RAD51B: variants seen among roughly 807,000 people sequenced by gnomAD.
RAD51B encodes the protein DNA repair protein RAD51 homolog 2.
In RAD51B, 38 loss-of-function variants were observed where a neutral mutation model predicts 42.2. The observed-to-expected ratio is 0.90, with a 90% CI of 0.70 to 1.18. RAD51B has a LOEUF of 1.18. RAD51B is among the 50% of genes most tolerant of loss of function. The probability of loss-of-function intolerance (pLI) is 0.00; values close to 1 mark genes in which losing one functional copy is unlikely to be tolerated. For missense variants in RAD51B, 373 were observed against 400.7 expected (o/e 0.93, Z 0.59); for synonymous variants, 154 against 145.2 (o/e 1.06, Z -0.43).
At chr14:68,227,071 T>C (rs1034042586) in intron 7 of RAD51B, among the ~76,000 whole-genome samples, 1 of 152,218 alleles carries the variant, frequency 6.6e-6, no homozygotes, top group Non-Finnish European at 1.5e-5. Context: ...TTCTGGATCT[T>C]TCCAGGCATG....
At chr14:68,288,111 C>T (rs146467142) in intron 7 of RAD51B, among the ~76,000 whole-genome samples, 2 of 152,300 alleles carry the variant, frequency 1.3e-5, no homozygotes, top group East Asian at 3.9e-4. Context: ...CAGTTAGAAA[C>T]CAGACTGTGT....
intron 7 of RAD51B, among the ~76,000 whole-genome samples, chr14:68,096,610 A>C (rs959788351): frequency 6.6e-6 from 1 of 152,198 alleles, no homozygotes; most frequent in African/African-American, 2.4e-5. Context: ...CTAGTACACC[A>C]CATCCCATCG....
intron 9 of RAD51B, among the ~76,000 whole-genome samples, chr14:68,420,611 A>G (rs1160862841): frequency 6.6e-6 from 1 of 152,184 alleles, no homozygotes; most frequent in African/African-American, 2.4e-5. Context: ...GTCTTTTAAC[A>G]TGCTAATGCA....
At chr14:68,342,555 C>CTCTCTCTCTT (rs1472740724) in intron 8 of RAD51B, among the ~76,000 whole-genome samples, 1 of 152,178 alleles carries the variant, frequency 6.6e-6, no homozygotes, top group East Asian at 1.9e-4. Context: ...CATGCCTTCT[C>CTCTCTCTCTT]TCTCTCTCTT....
At chr14:68,248,598 C>T (rs2080551008) in intron 7 of RAD51B, among the ~76,000 whole-genome samples, 1 of 151,972 alleles carries the variant, frequency 6.6e-6, no homozygotes, top group Non-Finnish European at 1.5e-5. Flanking sequence ...AACTACACCA[C>T]AAAGCACCAC....
intron 10 of RAD51B, among the ~76,000 whole-genome samples, chr14:68,511,712 G>A (rs1885741562): frequency 6.6e-6 from 1 of 152,164 alleles, no homozygotes. Context: ...TGTTGGAGCT[G>A]AGAGGGAAAT....
intron 7 of RAD51B, among the ~76,000 whole-genome samples, chr14:68,186,127 C>G (rs1484630974): frequency 1.3e-5 from 2 of 152,108 alleles, no homozygotes; most frequent in East Asian, 3.8e-4. Flanking sequence ...ACTCACTGGT[C>G]AATAAATACT....
chr14:68,424,086 C>A (rs2084776714), intron 9 of RAD51B, among the ~76,000 whole-genome samples: 1 of 152,184 alleles, frequency 6.6e-6, no homozygotes, highest in South Asian at 2.1e-4. Flanking sequence ...TGGACCTGTG[C>A]TCACCTCTCT....
chr14:68,423,703 A>AT (rs1441753742), intron 9 of RAD51B, among the ~76,000 whole-genome samples: 1 of 151,952 alleles, frequency 6.6e-6, no homozygotes, highest in African/African-American at 2.4e-5. Flanking sequence ...TTGCAGAACA[A>AT]TTTTTTTTCA....
intron 10 of RAD51B, among the ~76,000 whole-genome samples, chr14:68,512,157 G>A (rs1272449133): frequency 6.6e-6 from 1 of 152,184 alleles, no homozygotes; most frequent in Admixed American, 6.5e-5. Context: ...AGATAAAGGG[G>A]TGACTTGCCT....
intron 10 of RAD51B, among the ~76,000 whole-genome samples, chr14:68,559,008 T>C (rs895585415): frequency 4.6e-5 from 7 of 151,654 alleles, no homozygotes; most frequent in Admixed American, 4.6e-4. Flanking sequence ...TTTACATGTA[T>C]ATATATATAA....
intron 7 of RAD51B, among the ~76,000 whole-genome samples, chr14:67,902,853 C>A (rs1466788890): frequency 6.6e-6 from 1 of 151,292 alleles, no homozygotes; most frequent in African/African-American, 2.5e-5. Context: ...TTTGAGAAAA[C>A]TTCTTTTTTT....
chr14:68,486,130 T>G (rs2140272853), intron 10 of RAD51B, among the ~76,000 whole-genome samples: 1 of 152,374 alleles, frequency 6.6e-6, no homozygotes, highest in Non-Finnish European at 1.5e-5. Context: ...GAGAGGCTAG[T>G]CTAAATGTCT....
At chr14:68,025,550 G>T (rs2075941599) in intron 7 of RAD51B, among the ~76,000 whole-genome samples, 1 of 128,666 alleles carries the variant, frequency 7.8e-6, no homozygotes, top group Non-Finnish European at 1.6e-5. Flanking sequence ...TTTAATTTCA[G>T]AACTCAGTAT....
At chr14:68,041,575 TA>T (rs1343765261) in intron 7 of RAD51B, among the ~76,000 whole-genome samples, 3 of 152,116 alleles carry the variant, frequency 2.0e-5, no homozygotes, top group South Asian at 2.1e-4. Flanking sequence ...TTTTTTTTTT[TA>T]ATCCTTGTTT....
At chr14:67,898,610 A>G (rs1044965802) in intron 7 of RAD51B, among the ~76,000 whole-genome samples, 1 of 152,226 alleles carries the variant, frequency 6.6e-6, no homozygotes, top group Non-Finnish European at 1.5e-5. Flanking sequence ...ACAGGTGGAA[A>G]CTTTTAGAAG....
intron 7 of RAD51B, among the ~76,000 whole-genome samples, chr14:67,994,454 A>G (rs1297783929): frequency 2.0e-5 from 3 of 152,340 alleles, no homozygotes; most frequent in Admixed American, 6.5e-5. Context: ...GATGGTTACT[A>G]TGTTTCATAT....
intron 3 of RAD51B, among the ~76,000 whole-genome samples, chr14:67,826,687 T>C (rs1490280754): frequency 7.0e-6 from 1 of 142,420 alleles, no homozygotes; most frequent in Non-Finnish European, 1.6e-5. Context: ...ATTTTCTTTC[T>C]TTTTTTTTTT....
At chr14:68,040,637 G>T (rs998711798) in intron 7 of RAD51B, among the ~76,000 whole-genome samples, 3 of 152,164 alleles carry the variant, frequency 2.0e-5, no homozygotes, top group African/African-American at 7.2e-5. Context: ...TGTGATAAGC[G>T]TTGCTCTCTC....
Sources: allele counts gnomAD v4.1 joint callset (sites outside exome capture counted in the v4.1 genomes callset), GRCh38; gene constraint gnomAD v4.1.1; transcripts MANE v1.5; gene names NCBI Gene and HGNC (gene_info 2026-07-23, HGNC 2026-07-21).